The following GJB7 variants were observed in gnomAD, a reference collection of about 807,000 sequenced individuals.
GJB7 encodes the protein gap junction beta-7 protein.
For missense variants in GJB7, 253 were observed against 256.8 expected (o/e 0.99, Z 0.10); for synonymous variants, 87 against 95.2 (o/e 0.91, Z 0.50).
chr6:87,287,989 G>A (rs954116852), intron 2 of GJB7, among the ~76,000 whole-genome samples: 6 of 152,002 alleles, frequency 3.9e-5, no homozygotes, highest in Non-Finnish European at 8.8e-5. Flanking sequence ...TACAACCTCC[G>A]CCTCCCGGGT....
chr6:87,284,391 A>C lies in GJB7; in HGVS notation c.522T>G (p.Thr174=). Residue 174 remains threonine (T), a synonymous_variant, in exon 3 of 3, where the codon ACT becomes ACG. Coordinates refer to ENST00000525899, the MANE Select transcript of GJB7 (RefSeq NM_198568.3). ...NTVDCFISKP[T]EKTIFILFLV... is the part of the protein sequence containing the mutation. The stretch of plus-strand genomic sequence containing the variant: ...AGAAGAGGATGAAGATCGTCTTCTC[A>C]GTGGGTTTGGAGATGAAGCAGTCCA... 1 of 1,614,210 alleles carries C rather than the reference A, an allele frequency of 6.2e-7. No homozygotes were observed. Among genetic ancestry groups the C allele is most frequent in the Non-Finnish European group, 8.5e-7 (1 of 1,180,020 alleles).
intron 2 of GJB7, among the ~76,000 whole-genome samples, chr6:87,309,204 C>A (rs1776480069): frequency 6.6e-6 from 1 of 152,208 alleles, no homozygotes; most frequent in Non-Finnish European, 1.5e-5. Context: ...GCTCTACATT[C>A]TCCTGGATCC....
At position 87,283,489 on chromosome 6, in the gene GJB7, G is replaced by A. The variant is rs1458940125; in HGVS notation, c.*752C>T. 6.6e-6 allele frequency: 1 copy of A among 152,232 alleles called. No homozygotes were observed. 9.4% of individuals were successfully genotyped at this position (152,232 alleles called of 1,614,324 possible). ...ATTTCTACTTGATTTGGAGACCACT[G>A]AAATGATAGCTTTCCTCCCTCTCCT... On this transcript the variant is annotated 3_prime_UTR_variant, in exon 3 of 3. Coordinates refer to ENST00000525899, the MANE Select transcript of GJB7 (RefSeq NM_198568.3).
rs180712393 is a variant in GJB7 at position 87,294,102 on chromosome 6, A to T, written c.-27-9163T>A. ...GACCACAGAAAGAGTGGAGCATTGT[A>T]ATAGAAAATAACACCATATTGAAGT... is the stretch of plus-strand genomic sequence containing the variant. On this transcript the variant is annotated intron_variant, in intron 2 of 2. Coordinates refer to ENST00000525899, the MANE Select transcript of GJB7 (RefSeq NM_198568.3). 2.6e-5 allele frequency among the ~76,000 whole-genome samples: 4 copies of T among 152,314 alleles called. No homozygotes were observed. In the East Asian group the frequency reaches 5.8e-4, roughly 22 times the overall value.
intron 2 of GJB7, among the ~76,000 whole-genome samples, chr6:87,319,497 G>T (rs1776626647): frequency 6.6e-6 from 1 of 152,072 alleles, no homozygotes; most frequent in African/African-American, 2.4e-5. Flanking sequence ...GAACCCTAAG[G>T]GATAAGAAAA....
intron 2 of GJB7, among the ~76,000 whole-genome samples, chr6:87,296,643 A>G (rs936537836): frequency 1.3e-5 from 2 of 152,206 alleles, no homozygotes; most frequent in African/African-American, 4.8e-5. Flanking sequence ...GAAAAGTATA[A>G]ATAATATTAC....
chr6:87,325,863 C>G (rs1482996998), intron 1 of GJB7, among the ~76,000 whole-genome samples: 1 of 152,238 alleles, frequency 6.6e-6, no homozygotes, highest in African/African-American at 2.4e-5. Flanking sequence ...CCTTGTACCT[C>G]TGTTAGAATT....
At chr6:87,297,751 G>A (rs1479570372) in intron 2 of GJB7, among the ~76,000 whole-genome samples, 1 of 152,186 alleles carries the variant, frequency 6.6e-6, no homozygotes, top group Non-Finnish European at 1.5e-5. Context: ...AGTGTCATGA[G>A]GCAGGAGCTT....
At chr6:87,298,161 C>G (rs1776271383) in intron 2 of GJB7, among the ~76,000 whole-genome samples, 1 of 152,170 alleles carries the variant, frequency 6.6e-6, no homozygotes, top group Admixed American at 6.5e-5. Flanking sequence ...ACTAGAATGG[C>G]TAATATAACT....
At chr6:87,304,828 T>C (rs1193716777) in intron 2 of GJB7, among the ~76,000 whole-genome samples, 1 of 152,192 alleles carries the variant, frequency 6.6e-6, no homozygotes, top group Non-Finnish European at 1.5e-5. Flanking sequence ...TTATCAACGA[T>C]GATCAAGTGG....
At chr6:87,309,433 C>A (rs1776485567) in intron 2 of GJB7, among the ~76,000 whole-genome samples, 2 of 152,208 alleles carry the variant, frequency 1.3e-5, no homozygotes, top group East Asian at 3.9e-4. Context: ...CAGCATCACA[C>A]ATGGAGACAA....
At chr6:87,315,795 C>CAAAAAAAAAAA (rs1161194601) in intron 2 of GJB7, among the ~76,000 whole-genome samples, 2 of 72,334 alleles carry the variant, frequency 2.8e-5, no homozygotes, top group Admixed American at 1.6e-4. Context: ...GACTCTATCT[C>CAAAAAAAAAAA]AAAAAAAAAA....
intron 2 of GJB7, among the ~76,000 whole-genome samples, chr6:87,291,702 G>A (rs567722334): frequency 9.2e-5 from 14 of 152,242 alleles, no homozygotes; most frequent in South Asian, 2.1e-4. Flanking sequence ...CATGTGATGC[G>A]GCACAAAACT....
At chr6:87,303,308 C>G (rs1409750817) in intron 2 of GJB7, among the ~76,000 whole-genome samples, 2 of 151,900 alleles carry the variant, frequency 1.3e-5, no homozygotes, top group East Asian at 1.9e-4. Context: ...CACACATACG[C>G]TCAAAATAAA....
intron 1 of GJB7, among the ~76,000 whole-genome samples, chr6:87,326,001 G>C (rs1228721853): frequency 6.6e-6 from 1 of 152,172 alleles, no homozygotes; most frequent in Non-Finnish European, 1.5e-5. Flanking sequence ...TTGGGAGAGT[G>C]TATGTGTCGA....
intron 1 of GJB7, among the ~76,000 whole-genome samples, chr6:87,328,325 A>G (rs6901508): frequency 0.88 from 134,219 of 152,162 alleles, 59,288 homozygotes; most frequent in South Asian, 0.93. Flanking sequence ...GAGGAGAGGC[A>G]CTCTGCTTTT....
At chr6:87,309,638 T>C (rs889503402) in intron 2 of GJB7, among the ~76,000 whole-genome samples, 1 of 152,160 alleles carries the variant, frequency 6.6e-6, no homozygotes, top group African/African-American at 2.4e-5. Flanking sequence ...AAATATTGAT[T>C]TTTTTTCTTC....
At chr6:87,302,362 C>T (rs951683849) in intron 2 of GJB7, among the ~76,000 whole-genome samples, 8 of 152,100 alleles carry the variant, frequency 5.3e-5, no homozygotes, top group Non-Finnish European at 7.4e-5. Flanking sequence ...AACCATGGCA[C>T]GAGAACTACA....
chr6:87,312,314 C>T (rs1233452572), intron 2 of GJB7, among the ~76,000 whole-genome samples: 1 of 151,554 alleles, frequency 6.6e-6, no homozygotes, highest in East Asian at 1.9e-4. Context: ...GAGTTCAAGA[C>T]CAGCCTGGCC....
Sources: gnomAD v4.1 joint callset for allele counts (sites outside exome capture counted in the v4.1 genomes callset) on GRCh38, gnomAD v4.1.1 for gene constraint, MANE v1.5 for transcripts, NCBI Gene and HGNC (gene_info 2026-07-23, HGNC 2026-07-21) for gene names.